Variants in CTXND1 observed in about 807,000 individuals in gnomAD.
CTXND1 encodes cortexin domain containing 1.
intron 1 of CTXND1, among the ~76,000 whole-genome samples, chr15:80,224,143 C>T (rs1893348916): frequency 6.6e-6 from 1 of 152,136 alleles, no homozygotes; most frequent in Non-Finnish European, 1.5e-5. Context: ...TGAGGAACCC[C>T]AGCAGTTCCA....
intron 1 of CTXND1, among the ~76,000 whole-genome samples, chr15:80,212,321 G>A (rs750642846): frequency 6.6e-6 from 1 of 152,124 alleles, no homozygotes; most frequent in Non-Finnish European, 1.5e-5. Flanking sequence ...CTGATCCAAG[G>A]TAGATGAATA....
chr15:80,207,368 A>G (rs982577842), intron 1 of CTXND1, among the ~76,000 whole-genome samples: 1 of 151,560 alleles, frequency 6.6e-6, no homozygotes, highest in Non-Finnish European at 1.5e-5. Context: ...GTCTTTAACT[A>G]TGTCCCATCA....
At chr15:80,204,172 ATAT>A (rs1567127619) in intron 1 of CTXND1, among the ~76,000 whole-genome samples, 1,253 of 45,800 alleles carry the variant, frequency 0.027, 47 homozygotes, top group African/African-American at 0.055. Context: ...AAAAAAAAAT[ATAT>A]ATATATATAT....
chr15:80,246,822 GT>G (rs1177944626), intron 1 of CTXND1, among the ~76,000 whole-genome samples: 17 of 152,276 alleles, frequency 1.1e-4, no homozygotes, highest in African/African-American at 4.1e-4. Flanking sequence ...CTGAGGTTGG[GT>G]CCCTGAATCT....
intron 1 of CTXND1, among the ~76,000 whole-genome samples, chr15:80,222,120 T>C (rs980650820): frequency 6.6e-6 from 1 of 152,196 alleles, no homozygotes; most frequent in African/African-American, 2.4e-5. Context: ...TTATTCATTA[T>C]GCTATTAGAA....
chr15:80,236,158 T>C (rs1379108765), intron 1 of CTXND1, among the ~76,000 whole-genome samples: 1 of 151,714 alleles, frequency 6.6e-6, no homozygotes, highest in Non-Finnish European at 1.5e-5. Flanking sequence ...TCTCACTGCA[T>C]TTGAAAAAGG....
intron 1 of CTXND1, among the ~76,000 whole-genome samples, chr15:80,206,399 T>C (rs1364953480): frequency 1.3e-5 from 2 of 152,230 alleles, no homozygotes; most frequent in Non-Finnish European, 2.9e-5. Flanking sequence ...AAGATCCATT[T>C]GTCCTTCCTT....
At chr15:80,227,426 G>A (rs560240830) in intron 1 of CTXND1, among the ~76,000 whole-genome samples, 1 of 152,262 alleles carries the variant, frequency 6.6e-6, no homozygotes, top group African/African-American at 2.4e-5. Context: ...CATGCAGGCT[G>A]TCAGAATTCT....
intron 1 of CTXND1, among the ~76,000 whole-genome samples, chr15:80,229,300 G>C (rs1430011051): frequency 6.6e-6 from 1 of 152,192 alleles, no homozygotes; most frequent in African/African-American, 2.4e-5. Context: ...TTCTGGAACT[G>C]TGGTTGCTGG....
At chr15:80,231,072 A>C (rs1395656095) in intron 1 of CTXND1, among the ~76,000 whole-genome samples, 1 of 152,150 alleles carries the variant, frequency 6.6e-6, no homozygotes, top group Non-Finnish European at 1.5e-5. Flanking sequence ...AAAGAAAAAA[A>C]AAGTGTGTTG....
In CTXND1 at chr15:80,246,887, C is replaced by T. The variant is rs115335807; in HGVS notation, c.-218+5120G>A. 4.2e-3 allele frequency among the ~76,000 whole-genome samples: 635 copies of T among 152,318 alleles called. 6 individuals are homozygous for T. The highest frequency in any genetic ancestry group is 0.014 in the African/African-American group (602 of 41,550). On this transcript the variant is annotated intron_variant, in intron 1 of 2. Coordinates refer to ENST00000560778, the MANE Select transcript of CTXND1 (RefSeq NM_001352888.2). ...TCTTTGGCCATTTCTGTGCTGCCCA[C>T]TTAGGGACACTGAAAGGTTTGTCCT...
intron 1 of CTXND1, among the ~76,000 whole-genome samples, chr15:80,249,067 C>T (rs1893665777): frequency 6.6e-6 from 1 of 152,234 alleles, no homozygotes; most frequent in Admixed American, 6.5e-5. Context: ...ATCCTCCTGC[C>T]TCAGCTTCCC....
chr15:80,216,538 A>T (rs1005479837), intron 1 of CTXND1, among the ~76,000 whole-genome samples: 1 of 152,196 alleles, frequency 6.6e-6, no homozygotes, highest in South Asian at 2.1e-4. Flanking sequence ...AGCCTTGTTT[A>T]TGGATCATCA....
intron 1 of CTXND1, among the ~76,000 whole-genome samples, chr15:80,251,293 G>A (rs887180349): frequency 6.6e-6 from 1 of 152,140 alleles, no homozygotes; most frequent in Admixed American, 6.6e-5. Context: ...CAAAACATTA[G>A]AACCCAGGAT....
intron 1 of CTXND1, among the ~76,000 whole-genome samples, chr15:80,219,225 C>G (rs898746634): frequency 1.3e-4 from 20 of 152,122 alleles, no homozygotes; most frequent in Admixed American, 1.3e-3. Context: ...GGATTACAGG[C>G]ATAAGCCACT....
At chr15:80,250,235 C>G (rs1381723892) in intron 1 of CTXND1, among the ~76,000 whole-genome samples, 2 of 152,102 alleles carry the variant, frequency 1.3e-5, no homozygotes, top group Admixed American at 6.5e-5. Flanking sequence ...ATGGCTGCCT[C>G]TTTCATTAAC....
intron 1 of CTXND1, among the ~76,000 whole-genome samples, chr15:80,225,973 C>T (rs1444549982): frequency 6.6e-6 from 1 of 152,080 alleles, no homozygotes; most frequent in African/African-American, 2.4e-5. Flanking sequence ...CTATCTTTTC[C>T]AAGAGCTTAA....
At chr15:80,242,417 C>G (rs543420618) in intron 1 of CTXND1, among the ~76,000 whole-genome samples, 1 of 152,234 alleles carries the variant, frequency 6.6e-6, no homozygotes, top group Admixed American at 6.5e-5. Context: ...GATATGGCCC[C>G]GTCTGGCGCC....
At chr15:80,211,630 C>T (rs986451954) in intron 1 of CTXND1, among the ~76,000 whole-genome samples, 3 of 152,128 alleles carry the variant, frequency 2.0e-5, no homozygotes, top group South Asian at 2.1e-4. Context: ...TAATGGAATA[C>T]TGTGTTTAAG....
Sources: gnomAD v4.1 joint callset for allele counts (sites outside exome capture counted in the v4.1 genomes callset) on GRCh38, gnomAD v4.1.1 for gene constraint, MANE v1.5 for transcripts, NCBI Gene and HGNC (gene_info 2026-07-23, HGNC 2026-07-21) for gene names.